Variants in ZBTB20 observed in about 807,000 individuals in gnomAD.
The protein encoded by ZBTB20 is zinc finger and BTB domain containing 20.
A neutral mutation model predicts 56.9 loss-of-function variants in ZBTB20; 9 were observed. The observed-to-expected ratio is 0.16, with a 90% CI of 0.10 to 0.28. ZBTB20 has a LOEUF of 0.28. Ranked by LOEUF, ZBTB20 falls within the 10% of genes least tolerant of loss-of-function variation. ZBTB20 has a pLI of 1.00. For missense variants in ZBTB20, 655 were observed against 1,003.0 expected (o/e 0.65, Z 4.69); for synonymous variants, 417 against 420.7 (o/e 0.99, Z 0.11).
At chr3:114,362,624 G>A (rs980138710) in intron 10 of ZBTB20, among the ~76,000 whole-genome samples, 2 of 152,136 alleles carry the variant, frequency 1.3e-5, no homozygotes, top group Non-Finnish European at 2.9e-5. Context: ...TGTTCACTGA[G>A]TTGCCCACAA....
At chr3:114,571,869 G>C (rs1175435257) in intron 6 of ZBTB20, among the ~76,000 whole-genome samples, 1 of 152,084 alleles carries the variant, frequency 6.6e-6, no homozygotes, top group Non-Finnish European at 1.5e-5. Flanking sequence ...GAAAGCACTG[G>C]CATATGCACT....
chr3:114,874,787 G>A (rs1338606015), intron 4 of ZBTB20, among the ~76,000 whole-genome samples: 1 of 152,050 alleles, frequency 6.6e-6, no homozygotes, highest in African/African-American at 2.4e-5. Flanking sequence ...TTCCTTTACT[G>A]TCCTCCCAGG....
chr3:114,343,715 T>G (rs550885779), intron 11 of ZBTB20, among the ~76,000 whole-genome samples: 145 of 152,358 alleles, frequency 9.5e-4, no homozygotes, highest in Non-Finnish European at 1.8e-3. Flanking sequence ...TTTTACTGGC[T>G]GCAGAGTCTA....
At chr3:115,070,553 A>AT (rs1237380666) in intron 2 of ZBTB20, among the ~76,000 whole-genome samples, 1 of 152,150 alleles carries the variant, frequency 6.6e-6, no homozygotes, top group African/African-American at 2.4e-5. Context: ...AAACAATACT[A>AT]TTTAATAGGT....
intron 7 of ZBTB20, among the ~76,000 whole-genome samples, chr3:114,410,329 G>A (rs1340572823): frequency 6.6e-6 from 1 of 151,856 alleles, no homozygotes; most frequent in Admixed American, 6.6e-5. Context: ...GGACAGAACC[G>A]TATCCAGAGG....
chr3:114,999,490 C>T (rs780224967), intron 2 of ZBTB20, among the ~76,000 whole-genome samples: 1 of 151,486 alleles, frequency 6.6e-6, no homozygotes, highest in East Asian at 1.9e-4. Context: ...TTCTTTAAAC[C>T]TACTTTTTTT....
chr3:114,833,716 T>G (rs2073974712), intron 4 of ZBTB20, among the ~76,000 whole-genome samples: 1 of 92,798 alleles, frequency 1.1e-5, no homozygotes, highest in Non-Finnish European at 2.4e-5. Context: ...TTTTTTTTTT[T>G]TGAGATACAG....
intron 4 of ZBTB20, among the ~76,000 whole-genome samples, chr3:114,897,708 G>A (rs757066089): frequency 2.3e-4 from 35 of 152,222 alleles, no homozygotes; most frequent in Admixed American, 4.6e-4. Flanking sequence ...GGAAAAAACC[G>A]ATGTCTTTGA....
chr3:114,720,209 T>C (rs752935728), intron 5 of ZBTB20, among the ~76,000 whole-genome samples: 4 of 149,488 alleles, frequency 2.7e-5, no homozygotes, highest in Admixed American at 6.7e-5. Context: ...TACATGCTTA[T>C]TGGAAAAGTA....
At chr3:114,594,196 A>G (rs1025109426) in intron 6 of ZBTB20, among the ~76,000 whole-genome samples, 11 of 152,138 alleles carry the variant, frequency 7.2e-5, no homozygotes, top group Non-Finnish European at 1.0e-4. Context: ...TTAAATTGCA[A>G]CCCATAAATT....
intron 4 of ZBTB20, chr3:114,874,243 A>T (rs1266026492): frequency 2.0e-5 from 3 of 152,270 alleles, no homozygotes; most frequent in East Asian, 3.9e-4. Flanking sequence ...AACATTTTTT[A>T]AAAAAATGAA....
chr3:114,478,065 C>T (rs745480056), intron 7 of ZBTB20, among the ~76,000 whole-genome samples: 1 of 151,746 alleles, frequency 6.6e-6, no homozygotes, highest in Non-Finnish European at 1.5e-5. Flanking sequence ...ACCGCAACCC[C>T]TGCCTCCTGG....
chr3:114,842,975 C>A (rs568079562), intron 4 of ZBTB20, among the ~76,000 whole-genome samples: 3 of 152,226 alleles, frequency 2.0e-5, no homozygotes, highest in Non-Finnish European at 2.9e-5. Context: ...TCCCCATGCT[C>A]TTCTGTGATA....
At chr3:114,427,418 C>G (rs901275210) in intron 7 of ZBTB20, among the ~76,000 whole-genome samples, 5 of 152,192 alleles carry the variant, frequency 3.3e-5, no homozygotes, top group African/African-American at 1.2e-4. Flanking sequence ...AAAGACAGAA[C>G]ACATCATCAG....
chr3:114,366,751 T>C (rs777432542), intron 10 of ZBTB20: 1 of 152,238 alleles, frequency 6.6e-6, no homozygotes, highest in Non-Finnish European at 1.5e-5. Context: ...ATTATCTCCA[T>C]GCATTACCAA....
At chr3:114,405,284 A>C (rs950607847) in intron 7 of ZBTB20, among the ~76,000 whole-genome samples, 1 of 152,162 alleles carries the variant, frequency 6.6e-6, no homozygotes, top group Non-Finnish European at 1.5e-5. Context: ...ATAAAGTTTA[A>C]TTGCATTAAT....
chr3:114,871,234 C>T (rs1407274518), intron 4 of ZBTB20, among the ~76,000 whole-genome samples: 2 of 152,024 alleles, frequency 1.3e-5, no homozygotes. Flanking sequence ...TGGTTAGTTA[C>T]CAATCACAGG....
chr3:114,455,952 C>T (rs1050539618), intron 7 of ZBTB20, among the ~76,000 whole-genome samples: 1 of 152,072 alleles, frequency 6.6e-6, no homozygotes, highest in Non-Finnish European at 1.5e-5. Context: ...AGAGTCGACA[C>T]TAGACACTAG....
chr3:115,079,456 T>C (rs968639851), intron 1 of ZBTB20, among the ~76,000 whole-genome samples: 14 of 152,258 alleles, frequency 9.2e-5, no homozygotes, highest in African/African-American at 2.4e-4. Flanking sequence ...TGGTGCAATC[T>C]CAGCTCACTG....
Sources: allele counts gnomAD v4.1 joint callset (sites outside exome capture counted in the v4.1 genomes callset), GRCh38; gene constraint gnomAD v4.1.1; transcripts MANE v1.5; gene names NCBI Gene and HGNC (gene_info 2026-07-23, HGNC 2026-07-21).